The following NPAS3 variants were observed in gnomAD, a reference collection of about 807,000 sequenced individuals.
NPAS3 encodes neuronal PAS domain protein 3, also known as neuronal PAS domain-containing protein 3.
Under a neutral mutation model 73.1 loss-of-function variants are expected in NPAS3, and 14 were observed. The ratio of observed to expected loss-of-function variants is 0.19; its 90% CI spans 0.13 to 0.30. The LOEUF (loss-of-function observed/expected upper bound fraction) is 0.30. Among genes scored for constraint, NPAS3 ranks in the 10% least tolerant of loss-of-function variants. The pLI is 1.00. For missense variants in NPAS3, 1,096 were observed against 1,250.0 expected (o/e 0.88, Z 1.86); for synonymous variants, 620 against 541.5 (o/e 1.14, Z -2.01).
At chr14:33,155,829 C>T (rs915684031) in intron 2 of NPAS3, among the ~76,000 whole-genome samples, 3 of 152,144 alleles carry the variant, frequency 2.0e-5, no homozygotes, top group Admixed American at 1.3e-4. Flanking sequence ...ATGCCAGCAA[C>T]ATCAAAATAG....
intron 4 of NPAS3, among the ~76,000 whole-genome samples, chr14:33,407,922 C>A (rs1220112764): frequency 6.6e-6 from 1 of 152,216 alleles, no homozygotes; most frequent in South Asian, 2.1e-4. Context: ...ATAATTCTCT[C>A]ACGTAGGTGG....
chr14:33,130,273 C>T (rs1026594295), intron 2 of NPAS3, among the ~76,000 whole-genome samples: 3 of 152,080 alleles, frequency 2.0e-5, no homozygotes, highest in Non-Finnish European at 4.4e-5. Context: ...AAGTTACTCT[C>T]CCCCCTTATT....
At chr14:33,198,007 C>T (rs997916766) in intron 2 of NPAS3, among the ~76,000 whole-genome samples, 1 of 151,332 alleles carries the variant, frequency 6.6e-6, no homozygotes, top group African/African-American at 2.4e-5. Flanking sequence ...AGGAGTGAAG[C>T]TGCAGACCTT....
chr14:33,112,986 G>A (rs1019671263), intron 2 of NPAS3, among the ~76,000 whole-genome samples: 2 of 152,094 alleles, frequency 1.3e-5, no homozygotes, highest in South Asian at 2.1e-4. Flanking sequence ...TAGATATGCG[G>A]CATTATTTCT....
chr14:33,433,743 GAGTTA>G (rs1249459430), intron 4 of NPAS3, among the ~76,000 whole-genome samples: 1 of 152,164 alleles, frequency 6.6e-6, no homozygotes, highest in African/African-American at 2.4e-5. Flanking sequence ...TCAGACTTTG[GAGTTA>G]AGCCCTAACT....
chr14:33,740,827 T>C (rs952644572), intron 7 of NPAS3, among the ~76,000 whole-genome samples: 2 of 152,212 alleles, frequency 1.3e-5, no homozygotes, highest in African/African-American at 4.8e-5. Flanking sequence ...TATCTTTCGA[T>C]AATTTTTTTT....
chr14:33,634,848 T>C (rs2058472682), intron 5 of NPAS3, among the ~76,000 whole-genome samples: 1 of 152,196 alleles, frequency 6.6e-6, no homozygotes, highest in African/African-American at 2.4e-5. Context: ...TTGTTTAAGG[T>C]GGTGGTTCTC....
At chr14:33,422,554 T>A (rs1166805039) in intron 4 of NPAS3, among the ~76,000 whole-genome samples, 1 of 151,982 alleles carries the variant, frequency 6.6e-6, no homozygotes, top group Admixed American at 6.6e-5. Flanking sequence ...AATATGTGTG[T>A]ATGTACATAT....
intron 4 of NPAS3, among the ~76,000 whole-genome samples, chr14:33,442,511 G>A (rs2049298919): frequency 6.6e-6 from 1 of 152,168 alleles, no homozygotes; most frequent in Non-Finnish European, 1.5e-5. Context: ...TAATCCGCAT[G>A]TGTTGTGGGA....
At chr14:33,076,934 G>T (rs888566065) in intron 2 of NPAS3, among the ~76,000 whole-genome samples, 1 of 152,040 alleles carries the variant, frequency 6.6e-6, no homozygotes, top group Non-Finnish European at 1.5e-5. Context: ...CATTACAAAG[G>T]GCAAGTAGAA....
chr14:33,114,537 C>T (rs1156788206), intron 2 of NPAS3, among the ~76,000 whole-genome samples: 1 of 152,062 alleles, frequency 6.6e-6, no homozygotes, highest in Non-Finnish European at 1.5e-5. Flanking sequence ...TTGTGGGTTA[C>T]TGAAAGGGTA....
intron 2 of NPAS3, among the ~76,000 whole-genome samples, chr14:33,057,743 A>C (rs1488742876): frequency 2.0e-5 from 3 of 152,196 alleles, no homozygotes; most frequent in Non-Finnish European, 2.9e-5. Context: ...GAAAGTCACT[A>C]TGGGGATATT....
chr14:33,191,950 A>ATG (rs947767306), intron 2 of NPAS3, among the ~76,000 whole-genome samples: 13 of 152,204 alleles, frequency 8.5e-5, no homozygotes, highest in African/African-American at 3.1e-4. Flanking sequence ...AAATTTGCTG[A>ATG]TGTGTGTGTG....
At chr14:33,255,658 G>A (rs937486113) in intron 3 of NPAS3, among the ~76,000 whole-genome samples, 1 of 152,154 alleles carries the variant, frequency 6.6e-6, no homozygotes, top group Non-Finnish European at 1.5e-5. Context: ...GTCTCACCCT[G>A]TTATAGATAA....
At chr14:33,631,861 C>A (rs1298718141) in intron 5 of NPAS3, among the ~76,000 whole-genome samples, 1 of 152,150 alleles carries the variant, frequency 6.6e-6, no homozygotes, top group Non-Finnish European at 1.5e-5. Flanking sequence ...GGCTCAGCAG[C>A]AGGATACATT....
chr14:33,658,127 G>A (rs1448403819), intron 5 of NPAS3, among the ~76,000 whole-genome samples: 1 of 152,324 alleles, frequency 6.6e-6, no homozygotes. Flanking sequence ...AAATTGAGGG[G>A]AACTGTTTAT....
chr14:33,035,445 A>C (rs1469383900), intron 1 of NPAS3, among the ~76,000 whole-genome samples: 1 of 152,192 alleles, frequency 6.6e-6, no homozygotes, highest in Admixed American at 6.6e-5. Context: ...GGCTGTGCAC[A>C]CGTCTGATCT....
At chr14:33,341,497 A>G (rs2044478452) in intron 3 of NPAS3, among the ~76,000 whole-genome samples, 2 of 152,086 alleles carry the variant, frequency 1.3e-5, no homozygotes, top group Admixed American at 1.3e-4. Context: ...TTGTCGTGCT[A>G]TGGACTAGTG....
intron 2 of NPAS3, among the ~76,000 whole-genome samples, chr14:33,056,903 T>G (rs543484314): frequency 1.3e-5 from 2 of 152,228 alleles, no homozygotes; most frequent in South Asian, 4.1e-4. Flanking sequence ...AAATATACTT[T>G]GTTGTGTTTT....
Sources: allele counts gnomAD v4.1 joint callset (sites outside exome capture counted in the v4.1 genomes callset), GRCh38; gene constraint gnomAD v4.1.1; transcripts MANE v1.5; gene names NCBI Gene and HGNC (gene_info 2026-07-23, HGNC 2026-07-21).